ZNF273: variants seen among roughly 807,000 people sequenced by gnomAD.
ZNF273 encodes zinc finger protein 9.
A neutral mutation model predicts 14.9 loss-of-function variants in ZNF273; 11 were observed. The ratio of observed to expected loss-of-function variants is 0.74; its 90% CI spans 0.46 to 1.22. The LOEUF (loss-of-function observed/expected upper bound fraction) is 1.22. Ranked by LOEUF, ZNF273 falls within the 50% of genes most tolerant of loss-of-function variation. ZNF273 has a pLI of 0.00. For synonymous variants in ZNF273, 199 were observed against 223.9 expected, an observed-to-expected ratio of 0.89 and a Z score of 0.99; for missense variants, 577 against 660.6, an observed-to-expected ratio of 0.87 and a Z score of 1.39.
intron 1 of ZNF273, among the ~76,000 whole-genome samples, chr7:64,886,384 G>A (rs186196965): frequency 6.6e-6 from 1 of 152,334 alleles, no homozygotes; most frequent in Non-Finnish European, 1.5e-5. Flanking sequence ...CATTTCTGCT[G>A]CATCTGGAAA....
chr7:64,918,385 A>G (rs1794162361), intron 3 of ZNF273, 93 bp downstream of exon 3: 2 of 1,299,114 alleles, frequency 1.5e-6, no homozygotes, highest in South Asian at 2.8e-5. Flanking sequence ...GATTTGGGCC[A>G]GGCGCGGTGG....
rs1584018378 is a variant in ZNF273, at chr7:64,929,027, G to A, written c.1699G>A (p.Glu567Lys). 6.7e-7 allele frequency: 1 copy of A among 1,499,820 alleles called. No individual in the cohort carries two copies. The highest frequency in any genetic ancestry group is 8.9e-7 in the Non-Finnish European group (1 of 1,129,464). The allele number at this position is 1,499,820 out of a possible 1,614,324, so 92.9% of individuals were successfully genotyped here. Residue 567 changes from glutamate to lysine, a missense_variant, in exon 4 of 4, where the codon GAG becomes AAG. Glu to Lys is a moderately conservative substitution (Grantham distance 56). Transcript: ENST00000476120. The stretch of plus-strand genomic sequence containing the variant: ...TAGACATAAAAGAAATCATATGGGT[G>A]AGAAATCCTAGAAATGTGAAGAATG... Reference protein sequence around the residue: ...FSRHKRNHMGEKS With the variant: ...FSRHKRNHMGKKS
intron 1 of ZNF273, among the ~76,000 whole-genome samples, chr7:64,886,145 C>T (rs1242670665): frequency 6.6e-6 from 1 of 152,212 alleles, no homozygotes; most frequent in African/African-American, 2.4e-5. Context: ...GACACAGCCA[C>T]CTGTTGCAGA....
At chr7:64,901,777 G>T (rs539694804), upstream of ZNF273, among the ~76,000 whole-genome samples, 3 of 150,684 alleles carry the variant, frequency 2.0e-5, no homozygotes, top group African/African-American at 4.9e-5. Flanking sequence ...ATGGAGAAAG[G>T]CCGTCTCTAC....
intron 3 of ZNF273, among the ~76,000 whole-genome samples, chr7:64,895,311 A>G (rs1379556658): frequency 1.3e-5 from 2 of 152,224 alleles, no homozygotes; most frequent in African/African-American, 2.4e-5. Flanking sequence ...TTGATTGATG[A>G]TGAGTAAACA....
At chr7:64,904,634 T>C (rs1792964162) in intron 1 of ZNF273, among the ~76,000 whole-genome samples, 1 of 152,224 alleles carries the variant, frequency 6.6e-6, no homozygotes, top group Non-Finnish European at 1.5e-5. Context: ...AACTTCCTCA[T>C]CCTAATTCAC....
At position 64,927,803 on chromosome 7, in the gene ZNF273, C is replaced by T; in HGVS notation, c.475C>T (p.His159Tyr). 2 of 1,613,860 alleles carry T rather than the reference C, an allele frequency of 1.2e-6. No homozygotes were observed. The highest frequency in any genetic ancestry group is 1.7e-6 in the Non-Finnish European group (2 of 1,179,916). Reference sequence around the variant, plus strand: ...TAAAAGTGCGGATGAGCATAAGGTGCACAAAAGAGGTTATAATGGACTTAA... The same window carrying T: ...TAAAAGTGCGGATGAGCATAAGGTGTACAAAAGAGGTTATAATGGACTTAA... The part of the protein sequence containing the change: ...GCKSADEHKV[H>Y]KRGYNGLNQC... The change falls in exon 4 of 4, where the codon CAC becomes TAC. Residue 159 changes from histidine (H) to tyrosine (Y), a missense_variant. His to Tyr is a moderately conservative substitution (Grantham distance 83). This residue lies in a region of ZNF273 where 162 missense variants were observed against 203.5 expected (regional missense o/e 0.80). Coordinates refer to ENST00000476120, the MANE Select transcript of ZNF273 (RefSeq NM_021148.3).
At chr7:64,905,748 A>G (rs1404442456) in intron 1 of ZNF273, among the ~76,000 whole-genome samples, 1 of 152,090 alleles carries the variant, frequency 6.6e-6, no homozygotes, top group Non-Finnish European at 1.5e-5. Flanking sequence ...GGGGTGGGAG[A>G]ATCAAGGGAT....
chr7:64,933,321 G>A (rs992783413), downstream of ZNF273: 1 of 152,162 alleles, frequency 6.6e-6, no homozygotes, highest in African/African-American at 2.4e-5. Context: ...TCAGTCTACA[G>A]CTTTTATTCT....
chr7:64,900,945 T>C (rs947039531), upstream of ZNF273, among the ~76,000 whole-genome samples: 1 of 152,162 alleles, frequency 6.6e-6, no homozygotes, highest in East Asian at 1.9e-4. Flanking sequence ...CATGTTCTAG[T>C]TTTCCATGCC....
At chr7:64,934,167 C>CTACA (rs551819084), downstream of ZNF273, among the ~76,000 whole-genome samples, 40 of 152,074 alleles carry the variant, frequency 2.6e-4, no homozygotes, top group Non-Finnish European at 4.7e-4. Context: ...AGTGCTGGAA[C>CTACA]TACAGGCATG....
chr7:64,922,082 A>G (rs1794504523), intron 3 of ZNF273, among the ~76,000 whole-genome samples: 2 of 146,654 alleles, frequency 1.4e-5, no homozygotes, highest in South Asian at 4.4e-4. Flanking sequence ...AGCATATTTT[A>G]TGCTTTTTTC....
Position 64,914,180 on chromosome 7 carries a change from G to GTTTTTTTT in ZNF273, c.103-3400_103-3399insTTTTTTTT, listed in dbSNP as rs1793773323. 2.5e-4 allele frequency among the ~76,000 whole-genome samples: 16 copies of GTTTTTTTT among 63,072 alleles called. 3 individuals are homozygous for GTTTTTTTT. Among genetic ancestry groups the GTTTTTTTT allele is most frequent in the Non-Finnish European group, 1.2e-4 (4 of 34,236 alleles). The allele number at this position is 63,072 out of a possible 152,430, so 41.4% of individuals were successfully genotyped here. ...GCACCACTACGTCCTGGTAATTTTT[G>GTTTTTTTT]TATTTTTTTTTTTTTTTTTTTTTTT... On this transcript the variant is annotated intron_variant, in intron 1 of 3. Transcript: ENST00000476120.
At chr7:64,925,774 A>T (rs371233746) in intron 3 of ZNF273, among the ~76,000 whole-genome samples, 1 of 152,010 alleles carries the variant, frequency 6.6e-6, no homozygotes, top group Admixed American at 6.6e-5. Context: ...TCTGCCCTCA[A>T]CCTTGTTATT....
Position 64,928,139 on chromosome 7 carries a change from T to G in ZNF273, c.811T>G (p.Phe271Val). The G allele has an allele frequency of 6.2e-7, 1 of 1,613,702 alleles. No homozygotes were observed. Among genetic ancestry groups the G allele is most frequent in the Non-Finnish European group, 8.5e-7 (1 of 1,179,844 alleles). Residue 271 changes from phenylalanine (F) to valine (V), a missense_variant, in exon 4 of 4, where the codon TTT (phenylalanine) becomes GTT (valine). Phe to Val is a conservative substitution (Grantham distance 50). Transcript: ENST00000476120. ...PYKCEECGKA[F>V]NQSLTLTKHK... ...CAAATGTGAAGAATGTGGCAAAGCC[T>G]TTAACCAGTCCTTAACTCTTACTAA...
At chr7:64,899,395 C>T (rs1399108469), upstream of ZNF273, among the ~76,000 whole-genome samples, 1 of 152,214 alleles carries the variant, frequency 6.6e-6, no homozygotes, top group Non-Finnish European at 1.5e-5. Flanking sequence ...TGGCTCACGC[C>T]TGTAATCCCG....
chr7:64,888,760 A>G (rs927702390), exon 2 of ZNF273: 17 of 985,744 alleles, frequency 1.7e-5, no homozygotes, highest in African/African-American at 1.7e-5. Flanking sequence ...AGAGCCGGAT[A>G]GAAACGCTGC....
At position 64,929,129 on chromosome 7, in the gene ZNF273, A is replaced by ACAAAT. The variant is rs57526538; in HGVS notation, c.*91_*92insCAAAT. ...TACTGGAGAAAACTCCCAGAAGTGG[A>ACAAAT]GTTTTCCTTATTGCACAGGAAAGCA... On this transcript the variant is annotated 3_prime_UTR_variant, in exon 4 of 4. Coordinates refer to ENST00000476120, the MANE Select transcript of ZNF273 (RefSeq NM_021148.3). 1,224,211 of 1,236,432 alleles carry ACAAAT rather than the reference A, an allele frequency of 0.99. 606,985 individuals carry two copies. The highest frequency in any genetic ancestry group is 1 in the East Asian group (40,026 of 40,026). The allele number at this position is 1,236,432 out of a possible 1,614,324, so 76.6% of individuals were successfully genotyped here.
rs977245686 is a variant in ZNF273, at chr7:64,929,463, A to C, written c.*425A>C. 1 of 152,828 alleles carries C rather than the reference A, an allele frequency of 6.5e-6. No homozygotes were observed. The highest frequency in any genetic ancestry group is 1.5e-5 in the Non-Finnish European group (1 of 68,482). The allele number at this position is 152,828 out of a possible 1,614,324, so 9.5% of individuals were successfully genotyped here. On this transcript the variant is annotated 3_prime_UTR_variant, in exon 4 of 4. Transcript: ENST00000476120. Reference sequence around the variant, plus strand: ...ACCAGGAAATTTATATTGGAGAAAAACCCTATGAGTGTAATGAATTTGGAA... The same window carrying C: ...ACCAGGAAATTTATATTGGAGAAAACCCCTATGAGTGTAATGAATTTGGAA...
Sources: allele counts gnomAD v4.1 joint callset (sites outside exome capture counted in the v4.1 genomes callset), GRCh38; gene constraint gnomAD v4.1.1; regional missense constraint gnomAD v4.1.1; transcripts MANE v1.5; gene names NCBI Gene and HGNC (gene_info 2026-07-23, HGNC 2026-07-21).